The following NOCT variants were observed in gnomAD, a reference collection of about 807,000 sequenced individuals.
The protein encoded by NOCT is nocturnin, also known as CCR4 carbon catabolite repression 4-like.
A neutral mutation model predicts 35.0 loss-of-function variants in NOCT; 18 were observed. The ratio of observed to expected loss-of-function variants is 0.51; its 90% CI spans 0.36 to 0.76. The LOEUF (loss-of-function observed/expected upper bound fraction) is 0.76. Ranked by LOEUF, NOCT falls within the 30% of genes least tolerant of loss-of-function variation. The probability of loss-of-function intolerance (pLI) is 0.01; values close to 1 mark genes in which losing one functional copy is unlikely to be tolerated. For synonymous variants in NOCT, 235 were observed against 226.3 expected, an observed-to-expected ratio of 1.04 and a Z score of -0.34; for missense variants, 479 against 541.0, an observed-to-expected ratio of 0.89 and a Z score of 1.14.
rs186208185 is a variant in NOCT at position 139,045,737 on chromosome 4, C to T, written c.*263C>T. On this transcript the variant is annotated 3_prime_UTR_variant, in exon 3 of 3. Coordinates refer to ENST00000280614, the MANE Select transcript of NOCT (RefSeq NM_012118.4). The stretch of plus-strand genomic sequence containing the variant: ...TTCACCGTGTTAGCCAGGATGGTCT[C>T]GATCTCCTGACCTTGAATCACAAGA... The T allele has an allele frequency of 3.7e-4, 111 of 298,050 alleles. 1 individual carries two copies. Among genetic ancestry groups the T allele is most frequent in the Middle Eastern group, 2.2e-3 (2 of 930 alleles). The allele number at this position is 298,050 out of a possible 1,614,324, so 18.5% of individuals were successfully genotyped here.
chr4:139,038,255 G>A (rs1259381426), intron 1 of NOCT, among the ~76,000 whole-genome samples: 1 of 151,908 alleles, frequency 6.6e-6, no homozygotes, highest in Non-Finnish European at 1.5e-5. Context: ...GGTCTAGAGA[G>A]TTGTGGCACA....
intron 2 of NOCT, chr4:139,044,003 T>TATATATATATATAC (rs1405359118): frequency 4.1e-5 from 6 of 147,026 alleles, no homozygotes; most frequent in African/African-American, 1.5e-4. Context: ...TATATATATA[T>TATATATATATATAC]ACACTTTGTT....
At chr4:139,022,084 A>T (rs530873704) in intron 1 of NOCT, among the ~76,000 whole-genome samples, 154 of 152,292 alleles carry the variant, frequency 1.0e-3, no homozygotes, top group African/African-American at 2.7e-3. Context: ...TAGGGCTTTG[A>T]TAGCCACTTA....
Position 139,016,059 on chromosome 4 carries a change from AG to A in NOCT, c.81del (p.Leu28CysfsTer55). ...APGLRRLPAP[G>X]LRRPLSPPAA... ...CCGGCCTGCGCCGCCTGCCCGCCCC[AG>A]GGCTGCGCCGCCCGTTGTCCCCGCC... On this transcript the variant is annotated frameshift_variant, in exon 1 of 3. Transcript: ENST00000280614. LOFTEE classifies it high-confidence loss of function. 1 of 1,387,094 alleles carries A rather than the reference AG, an allele frequency of 7.2e-7. No homozygotes were observed. Among genetic ancestry groups the A allele is most frequent in the Non-Finnish European group, 9.4e-7 (1 of 1,068,816 alleles). The allele number at this position is 1,387,094 out of a possible 1,614,324, so 85.9% of individuals were successfully genotyped here.
At chr4:139,021,885 A>G (rs1379995899) in intron 1 of NOCT, among the ~76,000 whole-genome samples, 1 of 151,992 alleles carries the variant, frequency 6.6e-6, no homozygotes, top group East Asian at 1.9e-4. Flanking sequence ...CAGCCTCCCA[A>G]GTAGCTGGGA....
At chr4:139,018,894 TTACTA>T (rs1354303748) in intron 1 of NOCT, among the ~76,000 whole-genome samples, 11 of 152,042 alleles carry the variant, frequency 7.2e-5, no homozygotes, top group African/African-American at 1.9e-4. Flanking sequence ...TTGGAAGAGA[TTACTA>T]TAAAGCGTTT....
chr4:139,045,033 C>G lies in NOCT; in HGVS notation c.855C>G (p.Thr285=), dbSNP rs756072524. 6.8e-6 allele frequency: 11 copies of G among 1,614,210 alleles called. No homozygotes were observed. The highest frequency in any genetic ancestry group is 9.3e-6 in the Non-Finnish European group (11 of 1,180,040). The change falls in exon 3 of 3, where the codon ACC becomes ACG. Residue 285 remains threonine (T), a synonymous_variant. Transcript: ENST00000280614. The part of the protein sequence containing the change: ...ESGRQFCIAV[T]HLKARTGWER... ...GCCGACAGTTCTGCATCGCTGTTAC[C>G]CATCTAAAAGCACGCACTGGCTGGG...
chr4:139,016,213 CA>C, intron 1 of NOCT, 42 bp downstream of exon 1: 1 of 1,186,168 alleles, frequency 8.4e-7, no homozygotes, highest in Non-Finnish European at 1.1e-6. Flanking sequence ...CCACGGCCGC[CA>C]ACGCGCGGCC....
intron 1 of NOCT, among the ~76,000 whole-genome samples, chr4:139,039,289 C>G (rs1726793111): frequency 6.6e-6 from 1 of 151,056 alleles, no homozygotes; most frequent in Admixed American, 6.6e-5. Context: ...AAATCCTTGG[C>G]TTACACTTTA....
At chr4:139,017,117 A>C (rs1213101246) in intron 1 of NOCT, among the ~76,000 whole-genome samples, 2 of 150,104 alleles carry the variant, frequency 1.3e-5, no homozygotes, top group Non-Finnish European at 3.0e-5. Flanking sequence ...CTTTTTTGCT[A>C]CCTCTGTTTC....
intron 2 of NOCT, 78 bp from the exon 3 acceptor site, chr4:139,044,561 G>A: frequency 2.3e-6 from 2 of 857,328 alleles, no homozygotes; most frequent in African/African-American, 1.7e-5. Context: ...TGAGGGTCTT[G>A]AGTGATGCCA....
chr4:139,020,399 A>G (rs1196633618), intron 1 of NOCT, among the ~76,000 whole-genome samples: 1 of 152,180 alleles, frequency 6.6e-6, no homozygotes, highest in Non-Finnish European at 1.5e-5. Context: ...CTTTGCTTCT[A>G]ATAGGTGAAA....
At chr4:139,028,705 A>T (rs2148644069) in intron 1 of NOCT, among the ~76,000 whole-genome samples, 1 of 152,350 alleles carries the variant, frequency 6.6e-6, no homozygotes, top group South Asian at 2.1e-4. Context: ...CTCCAGGGCC[A>T]GCCCCCTTAC....
intron 1 of NOCT, among the ~76,000 whole-genome samples, chr4:139,026,221 C>T (rs1401764931): frequency 1.3e-5 from 2 of 152,086 alleles, no homozygotes; most frequent in Non-Finnish European, 1.5e-5. Context: ...CCTGCCTTAG[C>T]CTCCCAAGTA....
intron 1 of NOCT, among the ~76,000 whole-genome samples, chr4:139,042,538 A>T (rs537479232): frequency 6.6e-6 from 1 of 152,310 alleles, no homozygotes; most frequent in East Asian, 1.9e-4. Context: ...TGTTAATCAG[A>T]GGCTAGTTTT....
At position 139,030,899 on chromosome 4, in the gene NOCT, T is replaced by C. The variant is rs1332902352; in HGVS notation, c.191-12175T>C. Among the ~76,000 whole-genome samples the C allele has an allele frequency of 3.9e-5, 6 of 152,194 alleles. No individual in the cohort carries two copies. In the East Asian group the frequency reaches 1.2e-3, roughly 29 times the overall value. On this transcript the variant is annotated intron_variant, in intron 1 of 2. Coordinates refer to ENST00000280614, the MANE Select transcript of NOCT (RefSeq NM_012118.4). ...AGTTTTTGTGTGTTGTGTGTGCTTCTAGGTTTCCTCGGGCGGAGGTTGATC... is the reference window on the plus strand; with the variant it reads ...AGTTTTTGTGTGTTGTGTGTGCTTCCAGGTTTCCTCGGGCGGAGGTTGATC...
chr4:139,029,205 C>T lies in NOCT; in HGVS notation c.190+13034C>T, dbSNP rs75801044. On this transcript the variant is annotated intron_variant, in intron 1 of 2. Transcript: ENST00000280614. ...TTACAGAATGAAACAGAATAGCTAA[C>T]ATTTAGCTAATCACTTAGGATGTGC... Among the ~76,000 whole-genome samples, 599 of 152,324 alleles carry T rather than the reference C, an allele frequency of 3.9e-3. 31 individuals carry two copies. The East Asian group carries it at 0.092, about 23-fold the overall frequency.
At chr4:139,038,244 A>G (rs1316805606) in intron 1 of NOCT, among the ~76,000 whole-genome samples, 4 of 152,102 alleles carry the variant, frequency 2.6e-5, no homozygotes, top group Admixed American at 2.6e-4. Context: ...TTAGGTAAGC[A>G]GGTCTAGAGA....
chr4:139,021,848 T>TCC (rs1726420777), intron 1 of NOCT, among the ~76,000 whole-genome samples: 1 of 151,036 alleles, frequency 6.6e-6, no homozygotes, highest in African/African-American at 2.4e-5. Flanking sequence ...AACCTGTGCC[T>TCC]CCCGGGTTCA....
Sources: gnomAD v4.1 joint callset for allele counts (sites outside exome capture counted in the v4.1 genomes callset) on GRCh38, gnomAD v4.1.1 for gene constraint, MANE v1.5 for transcripts, NCBI Gene and HGNC (gene_info 2026-07-23, HGNC 2026-07-21) for gene names.